NAV3: variants seen among roughly 807,000 people sequenced by gnomAD.
NAV3 encodes neuron navigator 3.
A neutral mutation model predicts 244.7 loss-of-function variants in NAV3; 87 were observed. The observed-to-expected ratio is 0.36, with a 90% CI of 0.30 to 0.42. The LOEUF (loss-of-function observed/expected upper bound fraction) is 0.42, where lower values mean the gene tolerates loss of function less well. Among genes scored for constraint, NAV3 ranks in the 20% least tolerant of loss-of-function variants. NAV3 has a pLI of 1.00. For missense variants in NAV3, 2,663 were observed against 2,893.3 expected (o/e 0.92, Z 1.83); for synonymous variants, 1,126 against 1,042.2 (o/e 1.08, Z -1.55).
chr12:77,999,136 AT>A (rs1456472661), intron 7 of NAV3, among the ~76,000 whole-genome samples: 2 of 152,208 alleles, frequency 1.3e-5, no homozygotes, highest in Admixed American at 1.3e-4. Flanking sequence ...AGAGGTGCTG[AT>A]TTGATGCTTG....
chr12:77,925,537 G>A (rs989028813), intron 1 of NAV3, among the ~76,000 whole-genome samples: 1 of 15,456 alleles, frequency 6.5e-5, no homozygotes, highest in Non-Finnish European at 1.2e-4. Context: ...AGGATGAAAA[G>A]GCGGGGGGAG....
At chr12:78,058,436 T>G (rs1883836489) in intron 11 of NAV3, among the ~76,000 whole-genome samples, 1 of 152,128 alleles carries the variant, frequency 6.6e-6, no homozygotes, top group South Asian at 2.1e-4. Flanking sequence ...TTCAGTTATC[T>G]CTATCTGCCC....
intron 12 of NAV3, among the ~76,000 whole-genome samples, chr12:78,070,831 C>T (rs1433029074): frequency 4.0e-5 from 6 of 149,496 alleles, no homozygotes; most frequent in Admixed American, 6.7e-5. Context: ...TGATAGTTTA[C>T]TGAGAATGAT....
Position 77,660,697 on chromosome 12 carries a change from C to T in NAV3, c.72+88431C>T, listed in dbSNP as rs117669076. ...TATATATGTATACCATTACTTTAGT[C>T]TAATTTTAGAATGTATCCACCTTCA... is the stretch of plus-strand genomic sequence containing the variant. On this transcript the variant is annotated intron_variant, in intron 2 of 8. Transcript: ENST00000550042. Among the ~76,000 whole-genome samples, 377 of 152,128 alleles carry T rather than the reference C, an allele frequency of 2.5e-3. 13 individuals are homozygous for T. The East Asian group carries it at 0.059, about 24-fold the overall frequency.
intron 1 of NAV3, among the ~76,000 whole-genome samples, chr12:77,904,151 A>ATCCAAAGATTATAAATC (rs1885664726): frequency 6.6e-6 from 1 of 152,238 alleles, no homozygotes; most frequent in African/African-American, 2.4e-5. Context: ...CTGGGTATAT[A>ATCCAAAGATTATAAATC]TCCAAAGATT....
intron 9 of NAV3, among the ~76,000 whole-genome samples, chr12:78,025,762 GTTAAAA>G (rs1286632031): frequency 1.3e-5 from 2 of 152,062 alleles, no homozygotes; most frequent in African/African-American, 4.8e-5. Flanking sequence ...CAAACTGGTT[GTTAAAA>G]GTAACCTGGC....
chr12:77,952,592 C>G (rs1422171993), intron 3 of NAV3, among the ~76,000 whole-genome samples: 2 of 152,052 alleles, frequency 1.3e-5, no homozygotes, highest in Non-Finnish European at 2.9e-5. Context: ...CAATTTAGGT[C>G]TTTTGACTCT....
At chr12:78,103,954 C>CA (rs1954672094) in intron 12 of NAV3, among the ~76,000 whole-genome samples, 1 of 151,848 alleles carries the variant, frequency 6.6e-6, no homozygotes, top group African/African-American at 2.4e-5. Context: ...ATAACACAAA[C>CA]AAAAAAATAC....
At chr12:77,935,285 G>T (rs1381948554) in intron 1 of NAV3, among the ~76,000 whole-genome samples, 3 of 152,046 alleles carry the variant, frequency 2.0e-5, no homozygotes, top group African/African-American at 7.2e-5. Context: ...TTCTGATGTT[G>T]TTTCTTCATA....
At chr12:77,904,596 A>T (rs954874727) in intron 1 of NAV3, among the ~76,000 whole-genome samples, 1 of 152,206 alleles carries the variant, frequency 6.6e-6, no homozygotes, top group African/African-American at 2.4e-5. Context: ...ATACATATGT[A>T]ACAAACCTGC....
At chr12:77,670,310 A>G (rs1645866539) in intron 2 of NAV3, among the ~76,000 whole-genome samples, 1 of 152,098 alleles carries the variant, frequency 6.6e-6, no homozygotes, top group South Asian at 2.1e-4. Flanking sequence ...TTAAAAAATT[A>G]CCAACCAAAA....
chr12:78,090,252 T>G (rs967719397), intron 12 of NAV3, among the ~76,000 whole-genome samples: 2 of 127,116 alleles, frequency 1.6e-5, no homozygotes, highest in African/African-American at 2.9e-5. Context: ...TATATCAAAT[T>G]TTATATATAT....
chr12:78,042,216 A>G (rs1880982497), intron 9 of NAV3, among the ~76,000 whole-genome samples: 1 of 152,120 alleles, frequency 6.6e-6, no homozygotes, highest in African/African-American at 2.4e-5. Context: ...TAGCTTGGGG[A>G]AGTATTGTAT....
intron 2 of NAV3, among the ~76,000 whole-genome samples, chr12:77,804,066 C>T (rs1041196644): frequency 1.3e-5 from 2 of 151,962 alleles, no homozygotes; most frequent in African/African-American, 2.4e-5. Context: ...AATTTTCTCC[C>T]GTTCTGTAGG....
chr12:77,721,801 G>A (rs770538), intron 2 of NAV3, among the ~76,000 whole-genome samples: 111,441 of 151,928 alleles, frequency 0.73, 41,582 homozygotes, highest in East Asian at 0.89. Context: ...GCAGTTCGTG[G>A]CCCTTACGTA....
At chr12:77,583,614 C>T (rs1190552884) in intron 2 of NAV3, among the ~76,000 whole-genome samples, 1 of 152,114 alleles carries the variant, frequency 6.6e-6, no homozygotes, top group Admixed American at 6.6e-5. Flanking sequence ...GAAGCACTTA[C>T]CATTTTATGA....
At chr12:77,960,870 A>ATAT (rs142736314) in intron 3 of NAV3, among the ~76,000 whole-genome samples, 126,651 of 145,580 alleles carry the variant, frequency 0.87, 55,176 homozygotes, top group East Asian at 0.98. Context: ...CACACATATA[A>ATAT]TAATATATTG....
At chr12:78,051,967 C>T (rs1403776336) in intron 11 of NAV3, among the ~76,000 whole-genome samples, 3 of 152,118 alleles carry the variant, frequency 2.0e-5, no homozygotes, top group Admixed American at 6.5e-5. Flanking sequence ...TAATTGGCCC[C>T]GGCTGGGAAC....
chr12:77,930,594 C>T (rs1479022), intron 1 of NAV3, among the ~76,000 whole-genome samples: 14,834 of 152,122 alleles, frequency 0.098, 876 homozygotes, highest in East Asian at 0.2. Context: ...AATGATTGCT[C>T]TCTAGATCTG....
Sources: allele counts gnomAD v4.1 joint callset (sites outside exome capture counted in the v4.1 genomes callset), GRCh38; gene constraint gnomAD v4.1.1; transcripts MANE v1.5; gene names NCBI Gene and HGNC (gene_info 2026-07-23, HGNC 2026-07-21).